Variants in NTRK3 observed in about 807,000 individuals in gnomAD.
The protein encoded by NTRK3 is NT-3 growth factor receptor.
NTRK3 carries 24 observed loss-of-function variants against 91.7 expected under a neutral mutation model. The observed-to-expected ratio is 0.26, with a 90% CI of 0.19 to 0.37. The LOEUF is 0.37. Among genes scored for constraint, NTRK3 ranks in the 10% least tolerant of loss-of-function variants. The pLI is 1.00. For synonymous variants in NTRK3, 483 were observed against 404.0 expected, an observed-to-expected ratio of 1.20 and a Z score of -2.34; for missense variants, 880 against 1,068.9, an observed-to-expected ratio of 0.82 and a Z score of 2.46.
At chr15:88,125,198 G>T (rs1220176154) in intron 13 of NTRK3, among the ~76,000 whole-genome samples, 5 of 152,154 alleles carry the variant, frequency 3.3e-5, no homozygotes. Flanking sequence ...AGTTACAGAG[G>T]TTTCTGAGAA....
chr15:88,192,753 T>C (rs1432854778), intron 3 of NTRK3, among the ~76,000 whole-genome samples: 1 of 152,060 alleles, frequency 6.6e-6, no homozygotes. Flanking sequence ...CCAAGCTTAT[T>C]CCCAACTGGA....
intron 15 of NTRK3, among the ~76,000 whole-genome samples, chr15:87,934,328 T>C (rs1316673112): frequency 6.6e-6 from 1 of 152,156 alleles, no homozygotes; most frequent in Admixed American, 6.5e-5. Context: ...CAACACAAGG[T>C]AATGAGGAAG....
intron 5 of NTRK3, among the ~76,000 whole-genome samples, chr15:88,165,639 A>G (rs1042261097): frequency 6.6e-6 from 1 of 152,184 alleles, no homozygotes; most frequent in South Asian, 2.1e-4. Context: ...CGCTTTAAAG[A>G]TATTTGTCCA....
At chr15:87,934,007 T>C (rs2069039787) in intron 15 of NTRK3, among the ~76,000 whole-genome samples, 1 of 152,132 alleles carries the variant, frequency 6.6e-6, no homozygotes, top group Admixed American at 6.5e-5. Flanking sequence ...CCCAGGAAGA[T>C]GAATATACCC....
chr15:88,092,424 C>T (rs937327845), intron 13 of NTRK3, among the ~76,000 whole-genome samples: 2 of 152,190 alleles, frequency 1.3e-5, no homozygotes, highest in African/African-American at 4.8e-5. Context: ...AGCCCATACA[C>T]AGGACCAGAG....
At chr15:88,038,733 T>C (rs144024805) in intron 13 of NTRK3, among the ~76,000 whole-genome samples, 2 of 152,004 alleles carry the variant, frequency 1.3e-5, no homozygotes, top group Non-Finnish European at 2.9e-5. Flanking sequence ...AATTTTAAAA[T>C]GTAAAAAAAA....
chr15:87,950,603 C>T (rs1016083570), intron 14 of NTRK3, among the ~76,000 whole-genome samples: 1 of 152,128 alleles, frequency 6.6e-6, no homozygotes, highest in Non-Finnish European at 1.5e-5. Flanking sequence ...CCTCAGAGGC[C>T]GCATTTGGCA....
intron 3 of NTRK3, among the ~76,000 whole-genome samples, chr15:88,188,080 C>T (rs539114312): frequency 1.3e-5 from 2 of 152,338 alleles, no homozygotes; most frequent in Non-Finnish European, 2.9e-5. Context: ...TACAAACCCA[C>T]TCCCGCTGTG....
At chr15:88,069,384 G>C (rs1319801019) in intron 13 of NTRK3, among the ~76,000 whole-genome samples, 1 of 152,162 alleles carries the variant, frequency 6.6e-6, no homozygotes, top group Non-Finnish European at 1.5e-5. Context: ...TCCAGAGTAG[G>C]GAAAGAATTA....
intron 17 of NTRK3, among the ~76,000 whole-genome samples, 158 bp from the exon 18 acceptor site, chr15:87,885,893 G>C (rs1246329807): frequency 1.3e-5 from 2 of 151,898 alleles, no homozygotes; most frequent in Non-Finnish European, 2.9e-5. Context: ...AAATTCTTTT[G>C]CATGGCAAAA....
intron 14 of NTRK3, among the ~76,000 whole-genome samples, chr15:88,006,089 C>T (rs1021457653): frequency 1.3e-5 from 2 of 152,276 alleles, no homozygotes; most frequent in Non-Finnish European, 2.9e-5. Flanking sequence ...GCATCTGTAG[C>T]TGTCAAAATA....
intron 3 of NTRK3, among the ~76,000 whole-genome samples, chr15:88,213,849 G>A (rs1375489473): frequency 6.6e-6 from 1 of 152,132 alleles, no homozygotes; most frequent in Non-Finnish European, 1.5e-5. Context: ...GGAGGATAAG[G>A]CGGGTGGATC....
chr15:87,859,763 A>T (rs2064469824), exon 19 of NTRK3: 1 of 173,728 alleles, frequency 5.8e-6, no homozygotes, highest in South Asian at 2.0e-4. Flanking sequence ...GTTGTTTTAT[A>T]CTTTATTTGA....
intron 5 of NTRK3, among the ~76,000 whole-genome samples, chr15:88,153,107 G>C (rs1249877851): frequency 6.6e-6 from 1 of 152,232 alleles, no homozygotes; most frequent in African/African-American, 2.4e-5. Flanking sequence ...CCCAGGGTCT[G>C]TGACTTGCTG....
At chr15:88,116,152 C>A (rs1457052484) in intron 13 of NTRK3, among the ~76,000 whole-genome samples, 1 of 152,130 alleles carries the variant, frequency 6.6e-6, no homozygotes, top group Non-Finnish European at 1.5e-5. Flanking sequence ...TCAACTGGGG[C>A]AGCAGACCTT....
At chr15:87,970,308 C>G (rs967577720) in intron 14 of NTRK3, among the ~76,000 whole-genome samples, 3 of 152,194 alleles carry the variant, frequency 2.0e-5, no homozygotes, top group African/African-American at 7.2e-5. Context: ...TGAGATATCA[C>G]AGCGAAGGTT....
At chr15:88,042,230 AG>A in intron 13 of NTRK3, among the ~76,000 whole-genome samples, 1 of 152,352 alleles carries the variant, frequency 6.6e-6, no homozygotes, top group African/African-American at 2.4e-5. Context: ...CCATGCTCAG[AG>A]AGGGATTCCA....
intron 13 of NTRK3, among the ~76,000 whole-genome samples, chr15:88,105,960 AATTCC>A (rs2050660023): frequency 6.6e-6 from 1 of 152,228 alleles, no homozygotes; most frequent in Non-Finnish European, 1.5e-5. Flanking sequence ...CTAGGACTCC[AATTCC>A]AGTCTTAGCC....
intron 14 of NTRK3, among the ~76,000 whole-genome samples, chr15:87,994,146 T>C (rs2075503234): frequency 6.6e-6 from 1 of 151,714 alleles, no homozygotes; most frequent in Non-Finnish European, 1.5e-5. Context: ...GTGAGAAAAA[T>C]GGTCACCAGG....
Sources: gnomAD v4.1 joint callset for allele counts (sites outside exome capture counted in the v4.1 genomes callset) on GRCh38, gnomAD v4.1.1 for gene constraint, MANE v1.5 for transcripts, NCBI Gene and HGNC (gene_info 2026-07-23, HGNC 2026-07-21) for gene names.